Variants in CDH6 observed in about 807,000 individuals in gnomAD.
CDH6 encodes cadherin-6.
In CDH6, 31 loss-of-function variants were observed where a neutral mutation model predicts 78.0. The ratio of observed to expected loss-of-function variants is 0.40; its 90% CI spans 0.30 to 0.54. CDH6 has a LOEUF of 0.54. Among genes scored for constraint, CDH6 ranks in the 20% least tolerant of loss-of-function variants. The pLI, the probability that CDH6 is intolerant of heterozygous loss-of-function variation, is 0.56. For synonymous variants in CDH6, 376 were observed against 368.8 expected (o/e 1.02, Z -0.23); for missense variants, 724 against 975.9 (o/e 0.74, Z 3.44).
intron 2 of CDH6, among the ~76,000 whole-genome samples, chr5:31,277,708 C>T (rs1561054614): frequency 1.3e-5 from 2 of 152,280 alleles, no homozygotes; most frequent in Admixed American, 6.5e-5. Flanking sequence ...CTCTGCAAGA[C>T]CCTAGCCTAC....
At chr5:31,270,658 C>T (rs1306024204) in intron 2 of CDH6, among the ~76,000 whole-genome samples, 3 of 152,008 alleles carry the variant, frequency 2.0e-5, no homozygotes, top group Non-Finnish European at 4.4e-5. Context: ...TCACGTGCTG[C>T]TTATTTCCCT....
intron 1 of CDH6, among the ~76,000 whole-genome samples, chr5:31,199,779 T>A (rs1740298175): frequency 6.8e-6 from 1 of 146,216 alleles, no homozygotes; most frequent in Admixed American, 6.9e-5. Flanking sequence ...CAAATAATAA[T>A]GATAATAAAT....
chr5:31,293,958 C>T lies in CDH6; in HGVS notation c.229-4C>T. On this transcript the variant is annotated splice_region_variant and splice_polypyrimidine_tract_variant and intron_variant, in intron 2 of 11. Coordinates refer to ENST00000265071, the MANE Select transcript of CDH6 (RefSeq NM_004932.4). ...CTTTCTTTAATTTTTTTTTTCTACACTAGTTACATTCAGACCAGGATAGAG... is the reference window on the plus strand; with the variant it reads ...CTTTCTTTAATTTTTTTTTTCTACATTAGTTACATTCAGACCAGGATAGAG... The T allele has an allele frequency of 6.5e-7, 1 of 1,537,364 alleles. No individual in the cohort carries two copies. Among genetic ancestry groups the T allele is most frequent in the South Asian group, 1.2e-5 (1 of 80,932 alleles).
At chr5:31,295,390 C>T (rs1737555707) in intron 3 of CDH6, among the ~76,000 whole-genome samples, 1 of 152,182 alleles carries the variant, frequency 6.6e-6, no homozygotes, top group African/African-American at 2.4e-5. Flanking sequence ...TCTTCATCAG[C>T]ACCACTCAGG....
intron 1 of CDH6, among the ~76,000 whole-genome samples, chr5:31,199,416 A>C (rs947004997): frequency 6.9e-6 from 1 of 145,094 alleles, no homozygotes; most frequent in African/African-American, 2.5e-5. Context: ...TACATGGTGT[A>C]TATATGTACA....
intron 1 of CDH6, among the ~76,000 whole-genome samples, chr5:31,241,074 T>C (rs1741589857): frequency 6.6e-6 from 1 of 152,236 alleles, no homozygotes; most frequent in East Asian, 1.9e-4. Context: ...CTTTTCCTCA[T>C]TTCCATGAAT....
chr5:31,322,351 G>A (rs1561075382), intron 11 of CDH6, among the ~76,000 whole-genome samples: 1 of 151,468 alleles, frequency 6.6e-6, no homozygotes, highest in Admixed American at 6.6e-5. Context: ...AAAAAAAAAG[G>A]CATAGCGCAA....
intron 11 of CDH6, chr5:31,319,117 AG>A (rs1400636296): frequency 1.1e-5 from 2 of 179,544 alleles, no homozygotes; most frequent in African/African-American, 4.7e-5. Context: ...TTTGATCAAA[AG>A]GGTGATTTTT....
At chr5:31,277,247 C>T (rs1295326675) in intron 2 of CDH6, among the ~76,000 whole-genome samples, 1 of 152,152 alleles carries the variant, frequency 6.6e-6, no homozygotes, top group Non-Finnish European at 1.5e-5. Context: ...GGATATTTAT[C>T]CTTTCATTTG....
intron 1 of CDH6, among the ~76,000 whole-genome samples, chr5:31,203,320 A>G (rs1740419109): frequency 6.9e-6 from 1 of 144,532 alleles, no homozygotes; most frequent in South Asian, 2.3e-4. Context: ...ATATGTATAC[A>G]TGTGCCATGC....
Position 31,323,010 on chromosome 5 carries a change from T to C in CDH6, c.2075T>C (p.Ile692Thr), listed in dbSNP as rs1046325497. 3.1e-6 allele frequency: 5 copies of C among 1,614,148 alleles called. No homozygotes were observed. The highest frequency in any genetic ancestry group is 4.2e-6 in the Non-Finnish European group (5 of 1,180,024). ...AIEDNKLRRD[I>T]VPEALFLPRR... ...GAGGACAACAAATTACGAAGGGACA[T>C]TGTGCCCGAAGCCCTTTTCCTACCC... Residue 692 changes from isoleucine to threonine, a missense_variant, in exon 12 of 12, where the codon ATT becomes ACT. Ile to Thr is a moderately conservative substitution (Grantham distance 89). Transcript: ENST00000265071.
intron 1 of CDH6, among the ~76,000 whole-genome samples, chr5:31,239,463 G>A (rs745380055): frequency 1.5e-4 from 23 of 152,200 alleles, no homozygotes; most frequent in South Asian, 6.2e-4. Context: ...TTACTTCTCC[G>A]CTTATGTTTA....
At chr5:31,214,502 A>C (rs1250693523) in intron 1 of CDH6, among the ~76,000 whole-genome samples, 4 of 152,212 alleles carry the variant, frequency 2.6e-5, no homozygotes, top group African/African-American at 9.6e-5. Context: ...CAGAAAACAA[A>C]AATAATCTTT....
chr5:31,206,959 C>A (rs1740542807), intron 1 of CDH6, among the ~76,000 whole-genome samples: 1 of 152,028 alleles, frequency 6.6e-6, no homozygotes, highest in African/African-American at 2.4e-5. Context: ...TTGGTGGTCC[C>A]TTCACTAATC....
rs1364309659 is a variant in CDH6, at chr5:31,328,084, G to A, written c.*4776G>A. On this transcript the variant is annotated 3_prime_UTR_variant, in exon 12 of 12. Transcript: ENST00000265071. ...CAAATGGAAACAAAGGCTCTTACCC[G>A]CTGTATTTCAGACAGGACTGAGGCA... 6 of 214,782 alleles carry A rather than the reference G, an allele frequency of 2.8e-5. No individual in the cohort carries two copies. The highest frequency in any genetic ancestry group is 1.9e-4 in the South Asian group (1 of 5,328). 13.3% of individuals were successfully genotyped at this position (214,782 alleles called of 1,614,324 possible).
At chr5:31,292,004 G>A (rs1233587631) in intron 2 of CDH6, among the ~76,000 whole-genome samples, 2 of 152,182 alleles carry the variant, frequency 1.3e-5, no homozygotes, top group African/African-American at 4.8e-5. Context: ...CATTAAACAC[G>A]GTTTCTCTAC....
chr5:31,273,427 G>A (rs1393294720), intron 2 of CDH6, among the ~76,000 whole-genome samples: 1 of 152,134 alleles, frequency 6.6e-6, no homozygotes, highest in East Asian at 1.9e-4. Context: ...CTTCAAGTGG[G>A]TTATCTCGTT....
intron 1 of CDH6, among the ~76,000 whole-genome samples, chr5:31,225,916 C>A (rs1741139726): frequency 6.6e-6 from 1 of 152,270 alleles, no homozygotes; most frequent in African/African-American, 2.4e-5. Flanking sequence ...AATTGCGTAG[C>A]TGGTAAGTAA....
intron 1 of CDH6, among the ~76,000 whole-genome samples, chr5:31,195,642 T>C (rs1372707195): frequency 2.6e-5 from 4 of 152,186 alleles, no homozygotes; most frequent in Non-Finnish European, 5.9e-5. Context: ...CATTATGTCA[T>C]AACCAGGAGG....
Sources: gnomAD v4.1 joint callset for allele counts (sites outside exome capture counted in the v4.1 genomes callset) on GRCh38, gnomAD v4.1.1 for gene constraint, MANE v1.5 for transcripts, NCBI Gene and HGNC (gene_info 2026-07-23, HGNC 2026-07-21) for gene names.